Variants in QPCT observed in about 807,000 individuals in gnomAD.
QPCT encodes the protein EC.
A neutral mutation model predicts 43.4 loss-of-function variants in QPCT; 44 were observed. The observed-to-expected ratio is 1.01, with a 90% confidence interval of 0.80 to 1.30. The LOEUF (loss-of-function observed/expected upper bound fraction) is 1.30. Ranked by LOEUF, QPCT falls within the 50% of genes most tolerant of loss-of-function variation. QPCT has a pLI of 0.00. For synonymous variants in QPCT, 168 were observed against 168.4 expected, an observed-to-expected ratio of 1.00 and a Z score of 0.02; for missense variants, 526 against 436.5, an observed-to-expected ratio of 1.21 and a Z score of -1.83.
intron 1 of QPCT, among the ~76,000 whole-genome samples, chr2:37,350,877 G>A (rs562906028): frequency 1.3e-5 from 2 of 152,310 alleles, no homozygotes; most frequent in Admixed American, 1.3e-4. Flanking sequence ...TTTACCCTAG[G>A]ATTCAGGTAT....
intron 3 of QPCT, among the ~76,000 whole-genome samples, chr2:37,364,206 T>C (rs1037174119): frequency 3.9e-5 from 6 of 152,246 alleles, no homozygotes; most frequent in Admixed American, 6.5e-5. Context: ...TCCCATGTAC[T>C]GTATTTTTGC....
At chr2:37,355,427 A>G (rs146209507) in intron 2 of QPCT, among the ~76,000 whole-genome samples, 1 of 152,208 alleles carries the variant, frequency 6.6e-6, no homozygotes, top group Non-Finnish European at 1.5e-5. Context: ...TTTGAACACT[A>G]GATGAGATGT....
intron 3 of QPCT, among the ~76,000 whole-genome samples, chr2:37,364,183 C>G (rs1434749165): frequency 1.3e-5 from 2 of 152,134 alleles, no homozygotes; most frequent in Non-Finnish European, 2.9e-5. Context: ...AGGTAAATCT[C>G]AACAATTTTC....
At chr2:37,350,617 T>A (rs1451575105) in intron 1 of QPCT, among the ~76,000 whole-genome samples, 1 of 152,184 alleles carries the variant, frequency 6.6e-6, no homozygotes, top group Non-Finnish European at 1.5e-5. Flanking sequence ...GGATTGGAAA[T>A]CCCCAGACAG....
intron 2 of QPCT, among the ~76,000 whole-genome samples, chr2:37,354,700 C>G (rs747801075): frequency 1.3e-5 from 2 of 152,138 alleles, no homozygotes; most frequent in Non-Finnish European, 2.9e-5. Context: ...TTCCCTGGGC[C>G]TTATCTCTCA....
chr2:37,346,759 C>A (rs1246107662), intron 1 of QPCT, among the ~76,000 whole-genome samples: 1 of 152,138 alleles, frequency 6.6e-6, no homozygotes, highest in Non-Finnish European at 1.5e-5. Flanking sequence ...TTCTGTAGAC[C>A]TTCATAAAGT....
chr2:37,345,715 A>G (rs1672472600), intron 1 of QPCT, among the ~76,000 whole-genome samples: 1 of 152,112 alleles, frequency 6.6e-6, no homozygotes, highest in Admixed American at 6.5e-5. Flanking sequence ...ACGCACCTGT[A>G]ATCCCAGCTA....
At chr2:37,367,500 C>A in intron 4 of QPCT, 92 bp downstream of exon 4, 2 of 1,287,906 alleles carry the variant, frequency 1.6e-6, no homozygotes, top group Non-Finnish European at 2.1e-6. Flanking sequence ...AAAAATGCCA[C>A]AGCATCCTTG....
Position 37,359,683 on chromosome 2 carries a change from T to C in QPCT, c.371T>C (p.Ile124Thr). The C allele has an allele frequency of 6.2e-7, 1 of 1,614,130 alleles. No homozygotes were observed. Among genetic ancestry groups the C allele is most frequent in the Non-Finnish European group, 8.5e-7 (1 of 1,179,992 alleles). Residue 124 changes from isoleucine (I) to threonine (T), a missense_variant, in exon 3 of 7, where the codon ATC (isoleucine) becomes ACC (threonine). Coordinates refer to ENST00000338415, the MANE Select transcript of QPCT (RefSeq NM_012413.4). ...GGGTACCGGTCTTTCTCAAATATCA[T>C]CAGCACCCTCAATCCCACTGCTAAA... ...PYGYRSFSNI[I>T]STLNPTAKRH...
chr2:37,372,766 C>A lies in QPCT; in HGVS notation c.1025C>A (p.Ser342Ter). The A allele has an allele frequency of 6.2e-7, 1 of 1,613,094 alleles. No individual in the cohort carries two copies. The highest frequency in any genetic ancestry group is 1.1e-5 in the South Asian group (1 of 90,996). ...GACAATGAAGAAAATTTGGATGAAT[C>A]AACCATTGACAATCTAAACAAAATC... ...MDDNEENLDE[S>*]TIDNLNKILQ... The change falls in exon 7 of 7, where the codon TCA (serine) becomes TAA (stop). Residue 342 changes from serine (S) to a stop codon, truncating the protein, a stop_gained. Coordinates refer to ENST00000338415, the MANE Select transcript of QPCT (RefSeq NM_012413.4). LOFTEE classifies it high-confidence loss of function.
At chr2:37,361,337 A>T (rs1214713789) in intron 3 of QPCT, among the ~76,000 whole-genome samples, 1 of 152,210 alleles carries the variant, frequency 6.6e-6, no homozygotes. Context: ...GCAACTCTTC[A>T]TAGCTCCACT....
intron 3 of QPCT, among the ~76,000 whole-genome samples, chr2:37,362,932 T>G (rs983359608): frequency 3.5e-5 from 5 of 143,666 alleles, no homozygotes; most frequent in Non-Finnish European, 7.4e-5. Context: ...TTGCCACAGA[T>G]GAGAAAATAT....
rs556724038 is a variant in QPCT, at chr2:37,369,378, C to A, written c.724-307C>A. ...ACTCCTTTCTGAAAATAAATGTATG[C>A]TTTTAATGTTCACAAAATATTCATC... is the stretch of plus-strand genomic sequence containing the variant. On this transcript the variant is annotated intron_variant, in intron 4 of 6. Coordinates refer to ENST00000338415, the MANE Select transcript of QPCT (RefSeq NM_012413.4). 5.9e-5 allele frequency among the ~76,000 whole-genome samples: 9 copies of A among 152,284 alleles called. No individual in the cohort carries two copies. In the South Asian group the frequency reaches 1.9e-3, roughly 32 times the overall value.
intron 4 of QPCT, chr2:37,368,424 A>T: frequency 3.2e-6 from 1 of 315,430 alleles, no homozygotes; most frequent in South Asian, 2.5e-5. Context: ...GCTACCCTTG[A>T]GACTTCACTA....
Position 37,359,783 on chromosome 2 carries a change from C to T in QPCT, c.471C>T (p.Ala157=), listed in dbSNP as rs149698338. ...GGAACAACAGAGTGTTTGTAGGAGC[C>T]ACTGATTCAGCCGTGCCATGTGCAA... ...SHWNNRVFVG[A]TDSAVPCAMM... Residue 157 remains alanine, a synonymous_variant, in exon 3 of 7, where the codon GCC becomes GCT. Transcript: ENST00000338415. The T allele has an allele frequency of 4.6e-5, 75 of 1,614,048 alleles. No individual in the cohort carries two copies. The African/African-American group carries it at 8.7e-4, about 19-fold the overall frequency.
intron 1 of QPCT, among the ~76,000 whole-genome samples, chr2:37,348,671 C>G (rs1044919746): frequency 6.6e-6 from 1 of 152,140 alleles, no homozygotes; most frequent in African/African-American, 2.4e-5. Context: ...ACATGATTAG[C>G]CTAGAAGAGA....
intron 1 of QPCT, among the ~76,000 whole-genome samples, chr2:37,347,216 A>AT (rs1410742767): frequency 3.4e-5 from 3 of 87,226 alleles, no homozygotes; most frequent in South Asian, 3.4e-4. Context: ...ACATATATAT[A>AT]ACATATATAT....
chr2:37,365,928 A>G (rs931087541), intron 3 of QPCT, among the ~76,000 whole-genome samples: 7 of 152,330 alleles, frequency 4.6e-5, no homozygotes, highest in African/African-American at 1.7e-4. Flanking sequence ...AAGGCCAGAC[A>G]GTGTGGTTAT....
At chr2:37,361,587 C>T (rs1572734498) in intron 3 of QPCT, among the ~76,000 whole-genome samples, 2 of 152,210 alleles carry the variant, frequency 1.3e-5, no homozygotes, top group Admixed American at 6.5e-5. Context: ...CATGCCCTGG[C>T]TAGCCTGCCA....
Sources: gnomAD v4.1 joint callset for allele counts (sites outside exome capture counted in the v4.1 genomes callset) on GRCh38, gnomAD v4.1.1 for gene constraint, MANE v1.5 for transcripts, NCBI Gene and HGNC (gene_info 2026-07-23, HGNC 2026-07-21) for gene names.